The following CWC27 variants were observed in gnomAD, a reference collection of about 807,000 sequenced individuals.
CWC27 encodes the protein spliceosome-associated protein CWC27 homolog.
A neutral mutation model predicts 63.6 loss-of-function variants in CWC27; 47 were observed. The ratio of observed to expected loss-of-function variants is 0.74; its 90% CI spans 0.58 to 0.94. CWC27 has a LOEUF of 0.94. Ranked by LOEUF, CWC27 falls within the 40% of genes least tolerant of loss-of-function variation. The pLI is 0.00. For synonymous variants in CWC27, 175 were observed against 179.8 expected (o/e 0.97, Z 0.22); for missense variants, 495 against 554.3 (o/e 0.89, Z 1.07).
chr5:64,783,312 A>G (rs1580590404), intron 3 of CWC27, among the ~76,000 whole-genome samples: 1 of 152,340 alleles, frequency 6.6e-6, no homozygotes, highest in East Asian at 1.9e-4. Context: ...GGCAAATAGA[A>G]TCAGTGCCAT....
In CWC27 at chr5:65,018,716, T is replaced by G. The variant is rs957099901; in HGVS notation, c.*395T>G. The G allele has an allele frequency of 6.6e-6, 1 of 151,988 alleles. No individual in the cohort carries two copies. Among genetic ancestry groups the G allele is most frequent in the African/African-American group, 2.4e-5 (1 of 41,392 alleles). 9.4% of individuals were successfully genotyped at this position (151,988 alleles called of 1,614,324 possible). A position where few individuals can be genotyped will look rare whatever the true frequency, so the allele number is the denominator to read the frequency against. ...TGTGGGAAACCTCCCTTTCACTAAC[T>G]TCAGAATATAATAAAATATTATAAA... On this transcript the variant is annotated 3_prime_UTR_variant, in exon 14 of 14. Transcript: ENST00000381070.
intron 10 of CWC27, among the ~76,000 whole-genome samples, chr5:64,871,623 A>G (rs1251297707): frequency 6.6e-6 from 1 of 152,176 alleles, no homozygotes; most frequent in African/African-American, 2.4e-5. Context: ...GACTTTGAGA[A>G]TTAAGGGTCA....
chr5:64,953,562 C>T (rs917256061), intron 11 of CWC27, among the ~76,000 whole-genome samples: 3 of 151,868 alleles, frequency 2.0e-5, no homozygotes, highest in African/African-American at 4.8e-5. Context: ...TTCACCTCAC[C>T]GAGAAGAAAG....
At position 64,782,036 on chromosome 5, in the gene CWC27, A is replaced by G; in HGVS notation, c.252+3A>G. On this transcript the variant is annotated splice_donor_region_variant and intron_variant, in intron 3 of 13. Coordinates refer to ENST00000381070, the MANE Select transcript of CWC27 (RefSeq NM_005869.4). ...CTATCTATGGAGCGCCATTCAAAGT[A>G]AGACTGAATTATTATTTTTATTATT... The G allele has an allele frequency of 7.5e-7, 1 of 1,326,970 alleles. No individual in the cohort carries two copies. Among genetic ancestry groups the G allele is most frequent in the Non-Finnish European group, 1.1e-6 (1 of 951,514 alleles). 82.2% of individuals were successfully genotyped at this position (1,326,970 alleles called of 1,614,324 possible).
intron 10 of CWC27, among the ~76,000 whole-genome samples, chr5:64,842,296 GTTTTA>G (rs1006497926): frequency 2.0e-5 from 3 of 151,866 alleles, no homozygotes; most frequent in Non-Finnish European, 4.4e-5. Flanking sequence ...CTACATTGAT[GTTTTA>G]TTTTATTTTT....
At chr5:64,887,379 A>AT (rs1015422526) in intron 11 of CWC27, among the ~76,000 whole-genome samples, 8 of 151,926 alleles carry the variant, frequency 5.3e-5, no homozygotes, top group Non-Finnish European at 1.0e-4. Flanking sequence ...TTATTTACTT[A>AT]TTTTTTGAGA....
intron 10 of CWC27, among the ~76,000 whole-genome samples, chr5:64,850,556 A>G (rs1362535895): frequency 1.3e-5 from 2 of 152,212 alleles, no homozygotes; most frequent in East Asian, 1.9e-4. Context: ...GCAAAAATAG[A>G]TAAGTGGGAT....
chr5:64,999,155 T>G (rs1749688664), intron 13 of CWC27, among the ~76,000 whole-genome samples: 1 of 152,136 alleles, frequency 6.6e-6, no homozygotes, highest in South Asian at 2.1e-4. Flanking sequence ...CTCTACTATC[T>G]ACTTCATGTT....
At chr5:64,843,769 T>A (rs1745905019) in intron 10 of CWC27, among the ~76,000 whole-genome samples, 1 of 152,208 alleles carries the variant, frequency 6.6e-6, no homozygotes, top group Admixed American at 6.5e-5. Flanking sequence ...TTTTTTATAG[T>A]GCTGGAAAAT....
chr5:64,772,147 G>A (rs527530688), intron 1 of CWC27, among the ~76,000 whole-genome samples: 6 of 152,232 alleles, frequency 3.9e-5, no homozygotes, highest in African/African-American at 1.4e-4. Flanking sequence ...TTTGAATTTG[G>A]GCATCCTGAT....
intron 7 of CWC27, among the ~76,000 whole-genome samples, chr5:64,796,746 TC>T (rs1744280838): frequency 1.3e-5 from 1 of 79,030 alleles, no homozygotes; most frequent in Admixed American, 1.6e-4. Context: ...CCCTTCCTCC[TC>T]CCTCCCTCCC....
intron 2 of CWC27, among the ~76,000 whole-genome samples, chr5:64,780,126 A>G (rs1177786765): frequency 6.6e-6 from 1 of 152,050 alleles, no homozygotes; most frequent in East Asian, 1.9e-4. Flanking sequence ...AGATTTACCT[A>G]TTCTAGATAT....
rs58071388 is a variant in CWC27 at position 64,870,900 on chromosome 5, A to T, written c.939-14543A>T. 3.9e-5 allele frequency among the ~76,000 whole-genome samples: 6 copies of T among 151,958 alleles called. No homozygotes were observed. The East Asian group carries it at 1.2e-3, about 29-fold the overall frequency. On this transcript the variant is annotated intron_variant, in intron 10 of 13. Transcript: ENST00000381070. ...ATTTGCTTTTATTATATTTATAAAC[A>T]GTGTTGTCATGAACACCCATTACAT...
Position 64,909,974 on chromosome 5 carries a change from G to C in CWC27, c.1042+24428G>C, listed in dbSNP as rs533968086. On this transcript the variant is annotated intron_variant, in intron 11 of 13. Transcript: ENST00000381070. ...TCCATCCAGCTTTGTTCCATTGCTG[G>C]CAAGGAGCTGTGATCCTTTGGAGGA... is the stretch of plus-strand genomic sequence containing the variant. 3.1e-4 allele frequency among the ~76,000 whole-genome samples: 47 copies of C among 152,284 alleles called. No homozygotes were observed. In the South Asian group the frequency reaches 9.5e-3, roughly 31 times the overall value.
At chr5:64,903,783 C>T (rs73107232) in intron 11 of CWC27, among the ~76,000 whole-genome samples, 11,642 of 152,172 alleles carry the variant, frequency 0.077, 1,468 homozygotes, top group African/African-American at 0.26. Context: ...ACATACCGTC[C>T]TTTCTGACGC....
At chr5:64,974,206 CCAG>C (rs1262452650) in intron 12 of CWC27, among the ~76,000 whole-genome samples, 1 of 151,852 alleles carries the variant, frequency 6.6e-6, no homozygotes, top group Admixed American at 6.6e-5. Context: ...CCATTGCACT[CCAG>C]CCTGGGTGAC....
At chr5:64,892,257 A>G (rs1292211978) in intron 11 of CWC27, among the ~76,000 whole-genome samples, 3 of 152,166 alleles carry the variant, frequency 2.0e-5, no homozygotes, top group Non-Finnish European at 2.9e-5. Flanking sequence ...AGTAACTGCA[A>G]TTTGTCCTCC....
chr5:64,833,815 C>T (rs1219978198), intron 10 of CWC27, among the ~76,000 whole-genome samples: 1 of 151,646 alleles, frequency 6.6e-6, no homozygotes, highest in Non-Finnish European at 1.5e-5. Flanking sequence ...TTAGACCCAT[C>T]ATTTATTCAG....
chr5:64,897,619 A>G (rs1344533197), intron 11 of CWC27, among the ~76,000 whole-genome samples: 1 of 152,162 alleles, frequency 6.6e-6, no homozygotes, highest in Non-Finnish European at 1.5e-5. Context: ...GAGGGATAGC[A>G]TTAGGAGAAA....
Sources: allele counts gnomAD v4.1 joint callset (sites outside exome capture counted in the v4.1 genomes callset), GRCh38; gene constraint gnomAD v4.1.1; transcripts MANE v1.5; gene names NCBI Gene and HGNC (gene_info 2026-07-23, HGNC 2026-07-21).